GAB2: variants seen among roughly 807,000 people sequenced by gnomAD.
GAB2 encodes GRB2 associated binding protein 2, also known as GRB2-associated-binding protein 2.
In GAB2, 26 loss-of-function variants were observed where a neutral mutation model predicts 65.5. The ratio of observed to expected loss-of-function variants is 0.40; its 90% confidence interval spans 0.29 to 0.55. The LOEUF (loss-of-function observed/expected upper bound fraction) is 0.55. GAB2 is among the 20% of genes least tolerant of loss of function. The probability of loss-of-function intolerance (pLI) is 0.53; values close to 1 mark genes in which losing one functional copy is unlikely to be tolerated. For missense variants in GAB2, 884 were observed against 875.8 expected (o/e 1.01, Z -0.12); for synonymous variants, 321 against 329.6 (o/e 0.97, Z 0.28).
At chr11:78,365,162 G>A (rs1449517787) in intron 1 of GAB2, among the ~76,000 whole-genome samples, 1 of 152,148 alleles carries the variant, frequency 6.6e-6, no homozygotes, top group African/African-American at 2.4e-5. Context: ...AAAGGAGTCT[G>A]GTAACGGACT....
chr11:78,240,171 C>T (rs1426071537), intron 3 of GAB2, among the ~76,000 whole-genome samples: 1 of 152,156 alleles, frequency 6.6e-6, no homozygotes, highest in African/African-American at 2.4e-5. Flanking sequence ...CCAGTGGCTG[C>T]ATCCTAGGAA....
At chr11:78,379,177 C>A (rs919599732) in intron 1 of GAB2, among the ~76,000 whole-genome samples, 1 of 152,224 alleles carries the variant, frequency 6.6e-6, no homozygotes, top group Admixed American at 6.5e-5. Flanking sequence ...TGTGACCTCA[C>A]GCTTCTTCAG....
chr11:78,357,091 T>G (rs769905549), intron 1 of GAB2, among the ~76,000 whole-genome samples: 4 of 152,218 alleles, frequency 2.6e-5, no homozygotes, highest in Non-Finnish European at 5.9e-5. Context: ...GTGATGGTCA[T>G]GCAACAATGT....
intron 2 of GAB2, 59 bp from the exon 3 acceptor site, chr11:78,250,459 A>T: frequency 6.7e-7 from 1 of 1,497,044 alleles, no homozygotes; most frequent in East Asian, 2.3e-5. Context: ...CTTATCCCAA[A>T]GTGAGTTGTC....
At chr11:78,342,370 C>T (rs1405195949) in intron 1 of GAB2, among the ~76,000 whole-genome samples, 3 of 151,814 alleles carry the variant, frequency 2.0e-5, no homozygotes, top group African/African-American at 4.8e-5. Context: ...ACAATATAAA[C>T]CCTCCCTCCT....
intron 1 of GAB2, among the ~76,000 whole-genome samples, chr11:78,290,940 T>C (rs1866648593): frequency 6.6e-6 from 1 of 152,198 alleles, no homozygotes; most frequent in African/African-American, 2.4e-5. Context: ...TTAAGGATGT[T>C]AGCAAATATT....
In GAB2 at chr11:78,417,640, A is replaced by G; in HGVS notation, c.75+6T>C. On this transcript the variant is annotated splice_donor_region_variant and intron_variant, in intron 1 of 9. Transcript: ENST00000361507. ...CCCGCCCCTGGGCGGCCGCGCCCGCACTCACATAGCGCCTCAACTTCTTCT... is the reference window on the plus strand; with the variant it reads ...CCCGCCCCTGGGCGGCCGCGCCCGCGCTCACATAGCGCCTCAACTTCTTCT... 1 of 1,337,264 alleles carries G rather than the reference A, an allele frequency of 7.5e-7. No individual in the cohort carries two copies. Among genetic ancestry groups the G allele is most frequent in the Non-Finnish European group, 9.8e-7 (1 of 1,018,930 alleles). 82.8% of individuals were successfully genotyped at this position (1,337,264 alleles called of 1,614,324 possible).
At chr11:78,364,780 C>T (rs1168249040) in intron 1 of GAB2, among the ~76,000 whole-genome samples, 1 of 152,122 alleles carries the variant, frequency 6.6e-6, no homozygotes, top group Non-Finnish European at 1.5e-5. Context: ...GAGAAATTTT[C>T]CCCAAACTAT....
At chr11:78,299,000 C>G (rs1389992434) in intron 1 of GAB2, among the ~76,000 whole-genome samples, 1 of 152,172 alleles carries the variant, frequency 6.6e-6, no homozygotes, top group East Asian at 1.9e-4. Flanking sequence ...CATCTGTTCA[C>G]AATGGAGAAT....
intron 1 of GAB2, among the ~76,000 whole-genome samples, chr11:78,323,321 C>G (rs1363826035): frequency 6.6e-6 from 1 of 152,038 alleles, no homozygotes; most frequent in African/African-American, 2.4e-5. Flanking sequence ...ACCAGCCTGG[C>G]CAACATGGTG....
intron 1 of GAB2, among the ~76,000 whole-genome samples, chr11:78,392,811 T>C (rs73502950): frequency 0.027 from 4,186 of 152,286 alleles, 164 homozygotes; most frequent in African/African-American, 0.089. Flanking sequence ...GATGAACTCC[T>C]GTTCACTCTT....
chr11:78,251,887 G>T (rs1186280697), intron 2 of GAB2, among the ~76,000 whole-genome samples: 1 of 152,204 alleles, frequency 6.6e-6, no homozygotes, highest in East Asian at 1.9e-4. Context: ...CCTAATAAAG[G>T]CAAGGTACAT....
intron 1 of GAB2, among the ~76,000 whole-genome samples, chr11:78,290,164 G>T (rs1236648966): frequency 2.0e-5 from 3 of 152,182 alleles, no homozygotes; most frequent in African/African-American, 7.2e-5. Flanking sequence ...GTCTGCAATG[G>T]TGAGAGAAGA....
At position 78,310,720 on chromosome 11, in the gene GAB2, T is replaced by C. The variant is rs1044548185; in HGVS notation, c.76-29819A>G. 1.9e-4 allele frequency among the ~76,000 whole-genome samples: 29 copies of C among 152,142 alleles called. 1 individual carries two copies. Among genetic ancestry groups the C allele is most frequent in the African/African-American group, 4.8e-4 (20 of 41,414 alleles). On this transcript the variant is annotated intron_variant, in intron 1 of 9. Coordinates refer to ENST00000361507, the MANE Select transcript of GAB2 (RefSeq NM_080491.3). ...ACCAAGGCGAACCGCAGCCCAGGCCTGGTCGTGTTCCAGCGCCACTGTCCT... is the reference window on the plus strand; with the variant it reads ...ACCAAGGCGAACCGCAGCCCAGGCCCGGTCGTGTTCCAGCGCCACTGTCCT...
intron 1 of GAB2, among the ~76,000 whole-genome samples, chr11:78,288,992 T>A (rs183443272): frequency 3.2e-4 from 48 of 152,356 alleles, no homozygotes; most frequent in Non-Finnish European, 6.2e-4. Context: ...AATAGATCAA[T>A]TCTTGGCCGT....
At chr11:78,360,751 C>G (rs113015482) in intron 1 of GAB2, among the ~76,000 whole-genome samples, 3,740 of 152,076 alleles carry the variant, frequency 0.025, 124 homozygotes, top group African/African-American at 0.079. Context: ...CCCAGCTACT[C>G]AGGAGGCTGA....
At chr11:78,342,405 T>C (rs914371523) in intron 1 of GAB2, among the ~76,000 whole-genome samples, 2 of 81,404 alleles carry the variant, frequency 2.5e-5, no homozygotes, top group Non-Finnish European at 4.6e-5. Context: ...CACTTTGCAC[T>C]TTTTTTTTTT....
chr11:78,302,756 C>T (rs533765691), intron 1 of GAB2, among the ~76,000 whole-genome samples: 177 of 152,194 alleles, frequency 1.2e-3, no homozygotes, highest in African/African-American at 4.0e-3. Flanking sequence ...AATTTGCAAT[C>T]GCAAAAATGT....
chr11:78,414,087 C>CA (rs34915163), intron 1 of GAB2, among the ~76,000 whole-genome samples: 22,434 of 82,828 alleles, frequency 0.27, 2,543 homozygotes, highest in Non-Finnish European at 0.39. Flanking sequence ...AACTCTGTCT[C>CA]AAAAAAAAAA....
Sources: allele counts gnomAD v4.1 joint callset (sites outside exome capture counted in the v4.1 genomes callset), GRCh38; gene constraint gnomAD v4.1.1; transcripts MANE v1.5; gene names NCBI Gene and HGNC (gene_info 2026-07-23, HGNC 2026-07-21).